The following IQCH variants were observed in gnomAD, a reference collection of about 807,000 sequenced individuals.
IQCH encodes IQ motif containing H, also known as IQ domain-containing protein H.
A neutral mutation model predicts 117.0 loss-of-function variants in IQCH; 98 were observed. That is an observed-to-expected ratio of 0.84 (90% CI 0.71 to 0.99). The LOEUF is 0.99. Among genes scored for constraint, IQCH ranks in the 50% least tolerant of loss-of-function variants. The probability of loss-of-function intolerance (pLI) is 0.00; values close to 1 mark genes in which losing one functional copy is unlikely to be tolerated. For missense variants in IQCH, 1,102 were observed against 1,243.8 expected (o/e 0.89, Z 1.72); for synonymous variants, 412 against 448.2 (o/e 0.92, Z 1.02).
At chr15:67,377,968 T>C (rs927912862) in intron 10 of IQCH, among the ~76,000 whole-genome samples, 3 of 152,188 alleles carry the variant, frequency 2.0e-5, no homozygotes, top group African/African-American at 7.2e-5. Context: ...CCTGTTATTA[T>C]GAAGTTCATG....
rs549962604 is a variant in IQCH at position 67,465,956 on chromosome 15, G to A, written c.2676+659G>A. 1.3e-5 allele frequency among the ~76,000 whole-genome samples: 2 copies of A among 152,308 alleles called. No individual in the cohort carries two copies. The highest frequency in any genetic ancestry group is 2.1e-4 in the South Asian group (1 of 4,830). ...CTGTGCCCTCAGCCTAAACAGACAC[G>A]GCAGCCAAGGTGGCAAGGTGAAAAG... On this transcript the variant is annotated intron_variant, in intron 17 of 20. Transcript: ENST00000335894. The surrounding 1 kb of genome is among the most constrained non-coding windows in gnomAD (Gnocchi z 5.9).
At chr15:67,302,401 G>A (rs1014118408) in intron 4 of IQCH, among the ~76,000 whole-genome samples, 4 of 152,160 alleles carry the variant, frequency 2.6e-5, no homozygotes, top group Admixed American at 2.6e-4. Flanking sequence ...TGCTGTGAGT[G>A]TTACCCACAG....
Position 67,395,949 on chromosome 15 carries a change from C to A in IQCH, c.1905+386C>A, listed in dbSNP as rs551456890. Among the ~76,000 whole-genome samples the A allele has an allele frequency of 6.6e-6, 1 of 151,972 alleles. No individual in the cohort carries two copies. Among genetic ancestry groups the A allele is most frequent in the Admixed American group, 6.6e-5 (1 of 15,232 alleles). ...CCTCCCAAAGTGCTGGGATTACCAGCGTGAGCCACTACGCCCAGCCTGAGG... is the reference window on the plus strand; with the variant it reads ...CCTCCCAAAGTGCTGGGATTACCAGAGTGAGCCACTACGCCCAGCCTGAGG... On this transcript the variant is annotated intron_variant, in intron 13 of 20. Transcript: ENST00000335894. This position sits in a 1 kb window ranked among gnomAD's most constrained non-coding sequence, Gnocchi z 4.0.
chr15:67,296,855 C>T (rs1219393158), intron 4 of IQCH, among the ~76,000 whole-genome samples: 1 of 152,174 alleles, frequency 6.6e-6, no homozygotes, highest in African/African-American at 2.4e-5. Flanking sequence ...TATACTTCCT[C>T]TTGTTATTTT....
At chr15:67,261,066 A>G (rs894770324) in intron 1 of IQCH, among the ~76,000 whole-genome samples, 3 of 146,870 alleles carry the variant, frequency 2.0e-5, no homozygotes, top group Non-Finnish European at 3.0e-5. Context: ...ATTGCATTCC[A>G]GTCTGAGCAA....
intron 16 of IQCH, among the ~76,000 whole-genome samples, chr15:67,435,245 T>C (rs1412329229): frequency 6.6e-6 from 1 of 152,098 alleles, no homozygotes; most frequent in African/African-American, 2.4e-5. Context: ...TAATCAGTGA[T>C]GCTGAGCACC....
At chr15:67,439,880 C>CAT (rs71209391) in intron 16 of IQCH, among the ~76,000 whole-genome samples, 13 of 113,300 alleles carry the variant, frequency 1.1e-4, no homozygotes, top group Non-Finnish European at 1.7e-5. Context: ...AAGAGCAAAA[C>CAT]TCCGTCTCAA....
In IQCH at chr15:67,424,613, G is replaced by A. The variant is rs1274395853; in HGVS notation, c.2505+3036G>A. The stretch of plus-strand genomic sequence containing the variant: ...GTTGACTGAATGAATGAACAATGGA[G>A]GAGTTCTAGCAGATGCTGGATGGTA... On this transcript the variant is annotated intron_variant, in intron 16 of 20. Transcript: ENST00000335894. This position sits in a 1 kb window ranked among gnomAD's most constrained non-coding sequence, Gnocchi z 4.9. 6.6e-6 allele frequency among the ~76,000 whole-genome samples: 1 copy of A among 152,198 alleles called. No individual in the cohort carries two copies. The highest frequency in any genetic ancestry group is 2.4e-5 in the African/African-American group (1 of 41,458).
chr15:67,309,219 A>G (rs1263081195), intron 4 of IQCH, among the ~76,000 whole-genome samples: 1 of 152,034 alleles, frequency 6.6e-6, no homozygotes, highest in African/African-American at 2.4e-5. Flanking sequence ...AATATTAGTT[A>G]TTACTATTGG....
intron 20 of IQCH, among the ~76,000 whole-genome samples, chr15:67,497,024 C>CAAAAAAA (rs753821092): frequency 1.7e-4 from 6 of 35,772 alleles, no homozygotes; most frequent in Non-Finnish European, 3.1e-4. Context: ...GACTCCGTCT[C>CAAAAAAA]AAAAAAAAAA....
intron 3 of IQCH, among the ~76,000 whole-genome samples, chr15:67,265,690 G>T (rs1347451869): frequency 6.6e-6 from 1 of 152,172 alleles, no homozygotes; most frequent in East Asian, 1.9e-4. Context: ...TCCCAGAGAT[G>T]GGAGACTATG....
rs1459041454 is a variant in IQCH at position 67,319,459 on chromosome 15, A to G, written c.388-17516A>G. Among the ~76,000 whole-genome samples, 4 of 152,176 alleles carry G rather than the reference A, an allele frequency of 2.6e-5. No homozygotes were observed. In the East Asian group the frequency reaches 7.7e-4, roughly 29 times the overall value. ...ATCTCTAAGATCTCTTCTAGTTCTC[A>G]CCATCCATAATTCTGATCGAAGTCT... On this transcript the variant is annotated intron_variant, in intron 4 of 20. Coordinates refer to ENST00000335894, the MANE Select transcript of IQCH (RefSeq NM_001031715.3).
chr15:67,477,044 C>CTTTTT (rs71455553), intron 18 of IQCH, among the ~76,000 whole-genome samples: 32 of 71,140 alleles, frequency 4.5e-4, no homozygotes, highest in East Asian at 8.8e-4. Flanking sequence ...TCTTTTTCTT[C>CTTTTT]TTTTTTTTTT....
At chr15:67,382,228 T>C (rs933559493) in intron 10 of IQCH, among the ~76,000 whole-genome samples, 1 of 152,082 alleles carries the variant, frequency 6.6e-6, no homozygotes, top group East Asian at 1.9e-4. Context: ...GAAGGGAGAC[T>C]AAGAACTTTA....
chr15:67,369,389 C>T lies in IQCH; in HGVS notation c.754-2722C>T, dbSNP rs1970442794. 6.6e-6 allele frequency among the ~76,000 whole-genome samples: 1 copy of T among 151,712 alleles called. No homozygotes were observed. The highest frequency in any genetic ancestry group is 2.4e-5 in the African/African-American group (1 of 41,250). On this transcript the variant is annotated intron_variant, in intron 8 of 20. Coordinates refer to ENST00000335894, the MANE Select transcript of IQCH (RefSeq NM_001031715.3). This position sits in a 1 kb window ranked among gnomAD's most constrained non-coding sequence, Gnocchi z 5.2. Reference sequence around the variant, plus strand: ...GAGAATACAATGTTTTGACAGAAATCCTTCTTGGCTAGAAGGAAAAAAAAA... The same window carrying T: ...GAGAATACAATGTTTTGACAGAAATTCTTCTTGGCTAGAAGGAAAAAAAAA...
At chr15:67,434,790 T>C (rs547829166) in intron 16 of IQCH, among the ~76,000 whole-genome samples, 69 of 148,300 alleles carry the variant, frequency 4.7e-4, no homozygotes, top group African/African-American at 9.6e-4. Context: ...CTTTTCTTTT[T>C]TTTTTTTTTT....
rs2082734916 is a variant in IQCH at position 67,459,357 on chromosome 15, G to A, written c.2506-5770G>A. Among the ~76,000 whole-genome samples, 1 of 152,102 alleles carries A rather than the reference G, an allele frequency of 6.6e-6. No homozygotes were observed. Among genetic ancestry groups the A allele is most frequent in the Non-Finnish European group, 1.5e-5 (1 of 68,030 alleles). On this transcript the variant is annotated intron_variant, in intron 16 of 20. Coordinates refer to ENST00000335894, the MANE Select transcript of IQCH (RefSeq NM_001031715.3). This position sits in a 1 kb window ranked among gnomAD's most constrained non-coding sequence, Gnocchi z 4.2. ...CGTGCCCTGATGCCCATAGGAGAAGGGTGGCAAGAGGCAACACTAAACCCT... is the reference window on the plus strand; with the variant it reads ...CGTGCCCTGATGCCCATAGGAGAAGAGTGGCAAGAGGCAACACTAAACCCT...
chr15:67,268,426 T>A (rs772585880), intron 3 of IQCH, among the ~76,000 whole-genome samples: 33 of 152,238 alleles, frequency 2.2e-4, no homozygotes, highest in Non-Finnish European at 4.6e-4. Context: ...TTACCATTGC[T>A]GGCTTTCACA....
chr15:67,291,525 A>G (rs1333916582), intron 4 of IQCH, among the ~76,000 whole-genome samples: 1 of 152,212 alleles, frequency 6.6e-6, no homozygotes, highest in African/African-American at 2.4e-5. Flanking sequence ...GTACATTTGT[A>G]TCTAACCTGG....
Sources: allele counts gnomAD v4.1 joint callset (sites outside exome capture counted in the v4.1 genomes callset), GRCh38; gene constraint gnomAD v4.1.1; non-coding constraint Gnocchi (gnomAD v3.1); transcripts MANE v1.5; gene names NCBI Gene and HGNC (gene_info 2026-07-23, HGNC 2026-07-21).